ATL1: variants seen among roughly 807,000 people sequenced by gnomAD.
The protein encoded by ATL1 is atlastin-1.
In ATL1, 31 loss-of-function variants were observed where a neutral mutation model predicts 75.5. The observed-to-expected ratio is 0.41, with a 90% CI of 0.31 to 0.55. ATL1 has a LOEUF of 0.55. Ranked by LOEUF, ATL1 falls within the 20% of genes least tolerant of loss-of-function variation. The pLI, the probability that ATL1 is intolerant of heterozygous loss-of-function variation, is 0.27. For missense variants in ATL1, 405 were observed against 662.6 expected, an observed-to-expected ratio of 0.61 and a Z score of 4.27; for synonymous variants, 226 against 233.3, an observed-to-expected ratio of 0.97 and a Z score of 0.28.
At chr14:50,590,606 C>T (rs1287986323) in intron 2 of ATL1, among the ~76,000 whole-genome samples, 1 of 152,084 alleles carries the variant, frequency 6.6e-6, no homozygotes, top group East Asian at 1.9e-4. Flanking sequence ...TCTATGCTAC[C>T]ATTTATGCAT....
intron 13 of ATL1, among the ~76,000 whole-genome samples, chr14:50,631,826 G>GA (rs2039584184): frequency 6.6e-6 from 1 of 152,138 alleles, no homozygotes; most frequent in African/African-American, 2.4e-5. Flanking sequence ...GAAAACACTG[G>GA]AAGCCCAGAA....
intron 1 of ATL1, among the ~76,000 whole-genome samples, chr14:50,545,418 G>T (rs1304372858): frequency 6.6e-6 from 1 of 152,170 alleles, no homozygotes; most frequent in Non-Finnish European, 1.5e-5. Context: ...ATTCAGGAAG[G>T]GGTGTCTGCA....
At chr14:50,631,485 G>A (rs2039580510) in intron 13 of ATL1, among the ~76,000 whole-genome samples, 1 of 152,154 alleles carries the variant, frequency 6.6e-6, no homozygotes, top group African/African-American at 2.4e-5. Context: ...GAAAGTCAGA[G>A]GAGGGGATGA....
intron 1 of ATL1, among the ~76,000 whole-genome samples, chr14:50,565,129 A>G (rs972717745): frequency 1.3e-5 from 2 of 151,856 alleles, no homozygotes; most frequent in African/African-American, 4.8e-5. Flanking sequence ...TCTACTAAAA[A>G]TGTAAAAAAA....
intron 1 of ATL1, among the ~76,000 whole-genome samples, chr14:50,552,521 A>G (rs1408723531): frequency 6.6e-6 from 1 of 152,188 alleles, no homozygotes; most frequent in Non-Finnish European, 1.5e-5. Flanking sequence ...ATATCCTAAA[A>G]TTTGTATGGA....
chr14:50,534,019 G>T (rs936755301), intron 1 of ATL1, among the ~76,000 whole-genome samples: 2 of 152,138 alleles, frequency 1.3e-5, no homozygotes, highest in African/African-American at 4.8e-5. Context: ...AAGATTCTTG[G>T]CACTTGTTTT....
chr14:50,598,685 G>A (rs548413264), intron 6 of ATL1, among the ~76,000 whole-genome samples: 3 of 152,142 alleles, frequency 2.0e-5, no homozygotes, highest in South Asian at 4.1e-4. Flanking sequence ...TTAAGAAGAC[G>A]ATCTGAATTA....
At chr14:50,632,098 T>G in intron 13 of ATL1, 131 bp from the exon 14 acceptor site, 1 of 582,260 alleles carries the variant, frequency 1.7e-6, no homozygotes. Context: ...AGATAATAAT[T>G]TATATATCGA....
At chr14:50,588,728 A>T (rs562246407) in intron 2 of ATL1, among the ~76,000 whole-genome samples, 2 of 152,304 alleles carry the variant, frequency 1.3e-5, no homozygotes, top group South Asian at 4.1e-4. Context: ...CTCTACTAAA[A>T]AAAAACACAC....
chr14:50,560,535 A>G (rs1007605400), intron 1 of ATL1: 22 of 574,148 alleles, frequency 3.8e-5, no homozygotes, highest in Non-Finnish European at 6.5e-5. Context: ...CCGGGCCTCC[A>G]GCTCCTTCTT....
chr14:50,582,426 A>G (rs924588321), intron 1 of ATL1, among the ~76,000 whole-genome samples: 1 of 147,294 alleles, frequency 6.8e-6, no homozygotes, highest in Admixed American at 6.8e-5. Flanking sequence ...TTTTTTTTCC[A>G]TAAGACGGAG....
intron 1 of ATL1, among the ~76,000 whole-genome samples, chr14:50,566,778 T>C (rs2038907617): frequency 6.6e-6 from 1 of 152,204 alleles, no homozygotes; most frequent in African/African-American, 2.4e-5. Flanking sequence ...ATCTCTATGG[T>C]GTATTTTAAT....
At chr14:50,597,478 T>C (rs1264156688) in intron 6 of ATL1, among the ~76,000 whole-genome samples, 1 of 152,064 alleles carries the variant, frequency 6.6e-6, no homozygotes, top group Non-Finnish European at 1.5e-5. Flanking sequence ...ATTAAAGTAG[T>C]ATTTACTACC....
At chr14:50,610,180 C>A (rs1460646109) in intron 6 of ATL1, among the ~76,000 whole-genome samples, 1 of 152,018 alleles carries the variant, frequency 6.6e-6, no homozygotes, top group East Asian at 1.9e-4. Flanking sequence ...AGAGAAAAAA[C>A]TTTTCTCGAA....
chr14:50,571,881 G>A (rs762964630), intron 1 of ATL1: 5 of 191,436 alleles, frequency 2.6e-5, no homozygotes, highest in African/African-American at 4.7e-5. Flanking sequence ...TTGGAGAGGC[G>A]ACATGGATTT....
At chr14:50,627,309 T>A (rs972930588) in intron 11 of ATL1, among the ~76,000 whole-genome samples, 5 of 152,242 alleles carry the variant, frequency 3.3e-5, no homozygotes, top group African/African-American at 4.8e-5. Flanking sequence ...GACTGCTACA[T>A]AATGTAAACA....
upstream of ATL1, among the ~76,000 whole-genome samples, chr14:50,558,290 TG>T (rs1413316685): frequency 6.6e-6 from 1 of 152,070 alleles, no homozygotes; most frequent in Non-Finnish European, 1.5e-5. Context: ...ACCTGGGAGG[TG>T]GAGGTTGTAG....
At chr14:50,573,858 C>T (rs570878129) in intron 1 of ATL1, among the ~76,000 whole-genome samples, 1 of 152,280 alleles carries the variant, frequency 6.6e-6, no homozygotes, top group African/African-American at 2.4e-5. Context: ...GTTACATCTT[C>T]CTAATAAGTT....
chr14:50,558,022 T>C (rs1031373500), upstream of ATL1, among the ~76,000 whole-genome samples: 2 of 152,202 alleles, frequency 1.3e-5, no homozygotes, highest in African/African-American at 4.8e-5. Context: ...TGGTGATGCA[T>C]AGCACAATTT....
Sources: allele counts gnomAD v4.1 joint callset (sites outside exome capture counted in the v4.1 genomes callset), GRCh38; gene constraint gnomAD v4.1.1; transcripts MANE v1.5; gene names NCBI Gene and HGNC (gene_info 2026-07-23, HGNC 2026-07-21).